The following COL4A6 variants were observed in gnomAD, a reference collection of about 807,000 sequenced individuals.
The protein encoded by COL4A6 is collagen type IV alpha 6 chain.
Under a neutral mutation model 126.7 loss-of-function variants are expected in COL4A6, and 59 were observed. The observed-to-expected ratio is 0.47, with a 90% confidence interval of 0.38 to 0.58. The LOEUF is 0.58. COL4A6 is among the 20% of genes least tolerant of loss of function. The probability of loss-of-function intolerance (pLI) is 0.00; values close to 1 mark genes in which losing one functional copy is unlikely to be tolerated. For missense variants in COL4A6, 1,285 were observed against 1,337.3 expected (o/e 0.96, Z 0.61); for synonymous variants, 547 against 496.6 (o/e 1.10, Z -1.35).
At position 108,298,681 on chromosome X, in the gene COL4A6, C is replaced by G. The variant is rs1302610792; in HGVS notation, c.144+12067G>C. 8.2e-5 allele frequency among the ~76,000 whole-genome samples: 9 copies of G among 110,043 alleles called. No individual in the cohort carries two copies. In the East Asian group the frequency reaches 2.6e-3, roughly 32 times the overall value. ...AACTCTCAAGGAGGCCCTGCGGGGGCTGGTTAAACTGTCTGGGGTCTGGGG... is the reference window on the plus strand; with the variant it reads ...AACTCTCAAGGAGGCCCTGCGGGGGGTGGTTAAACTGTCTGGGGTCTGGGG... On this transcript the variant is annotated intron_variant, in intron 3 of 44. Coordinates refer to ENST00000334504, the MANE Select transcript of COL4A6 (RefSeq NM_033641.4).
intron 24 of COL4A6, 34 bp downstream of exon 24, chrX:108,180,863 G>A: frequency 8.6e-7 from 1 of 1,167,311 alleles, no homozygotes. Flanking sequence ...CCTTACAAGA[G>A]TGTTTAGTGG....
At chrX:108,386,087 T>C (rs891115406) in intron 2 of COL4A6, among the ~76,000 whole-genome samples, 1 of 111,999 alleles carries the variant, frequency 8.9e-6, no homozygotes, top group Non-Finnish European at 1.9e-5. Context: ...CCATGGGGTA[T>C]ATGTGCCACA....
At chrX:108,433,242 G>A (rs1024476737) in intron 2 of COL4A6, among the ~76,000 whole-genome samples, 3 of 111,910 alleles carry the variant, frequency 2.7e-5, no homozygotes, top group African/African-American at 9.7e-5. Context: ...AAGAAAGAGA[G>A]TTGATAATTG....
intron 3 of COL4A6, among the ~76,000 whole-genome samples, chrX:108,240,186 T>C (rs2036535181): frequency 9.0e-6 from 1 of 111,573 alleles, no homozygotes; most frequent in Non-Finnish European, 1.9e-5. Context: ...GAGGCTGCAG[T>C]GAGCCAAGAT....
At chrX:108,202,721 T>C (rs1304496092) in intron 13 of COL4A6, among the ~76,000 whole-genome samples, 1 of 111,721 alleles carries the variant, frequency 9.0e-6, no homozygotes, top group African/African-American at 3.3e-5. Context: ...GCTAATAACC[T>C]CTAAGGTATA....
chrX:108,361,726 T>C (rs2040089207), intron 2 of COL4A6, among the ~76,000 whole-genome samples: 1 of 111,901 alleles, frequency 8.9e-6, no homozygotes, highest in African/African-American at 3.3e-5. Flanking sequence ...ATCTTAAGTC[T>C]CATGTATTAA....
At chrX:108,199,088 A>G in intron 13 of COL4A6, among the ~76,000 whole-genome samples, 1 of 111,525 alleles carries the variant, frequency 9.0e-6, no homozygotes, top group East Asian at 2.8e-4. Context: ...TGGTCACTGC[A>G]GAGGGGCCAA....
intron 17 of COL4A6, 95 bp downstream of exon 17, chrX:108,193,533 C>G (rs969624942): frequency 2.7e-6 from 2 of 742,052 alleles, no homozygotes; most frequent in African/African-American, 2.1e-5. Flanking sequence ...TAGCAACAAT[C>G]GAGTAACTAA....
At chrX:108,427,603 T>A (rs1360253484) in intron 2 of COL4A6, among the ~76,000 whole-genome samples, 1 of 111,470 alleles carries the variant, frequency 9.0e-6, no homozygotes, top group Non-Finnish European at 1.9e-5. Flanking sequence ...GAGATGGAAT[T>A]GGATGGGTAG....
chrX:108,388,637 T>A (rs922561183), intron 2 of COL4A6, among the ~76,000 whole-genome samples: 25 of 111,669 alleles, frequency 2.2e-4, no homozygotes, highest in Admixed American at 1.5e-3. Flanking sequence ...TATCAGTCTA[T>A]TTATTTTGTT....
chrX:108,157,279 T>C lies in COL4A6; in HGVS notation c.4813-19A>G, dbSNP rs2033772837. The C allele has an allele frequency of 8.3e-7, 1 of 1,202,586 alleles. No individual in the cohort carries two copies. The highest frequency in any genetic ancestry group is 1.1e-6 in the Non-Finnish European group (1 of 890,698). On this transcript the variant is annotated intron_variant, in intron 44 of 44. Coordinates refer to ENST00000334504, the MANE Select transcript of COL4A6 (RefSeq NM_033641.4). ...CAGTGTGCTGAAACAGACAGGAGAT[T>C]AGTGCATGAGCTGTGCCTGCCAAGG...
intron 2 of COL4A6, among the ~76,000 whole-genome samples, chrX:108,351,282 G>A (rs756679778): frequency 6.3e-5 from 7 of 111,454 alleles, no homozygotes; most frequent in Non-Finnish European, 1.3e-4. Flanking sequence ...CTTGGGGTTG[G>A]GGGGTGGAAT....
chrX:108,184,019 A>G (rs769286036), intron 23 of COL4A6, among the ~76,000 whole-genome samples: 6 of 111,502 alleles, frequency 5.4e-5, no homozygotes, highest in Non-Finnish European at 1.1e-4. Flanking sequence ...TGCTTGCCCA[A>G]AGTTTTTAAT....
Position 108,261,851 on chromosome X carries a change from G to A in COL4A6, c.145-40477C>T, listed in dbSNP as rs192899135. Among the ~76,000 whole-genome samples, 230 of 111,670 alleles carry A rather than the reference G, an allele frequency of 2.1e-3. 2 individuals are homozygous for A. Among genetic ancestry groups the A allele is most frequent in the Non-Finnish European group, 3.5e-3 (185 of 52,960 alleles). On this transcript the variant is annotated intron_variant, in intron 3 of 44. Coordinates refer to ENST00000334504, the MANE Select transcript of COL4A6 (RefSeq NM_033641.4). ...GCCCCAAGGAAGCAGGTTTGTTCTT[G>A]GCATTTACAATTAAAATGGATTAAT...
intron 13 of COL4A6, among the ~76,000 whole-genome samples, chrX:108,201,123 A>G (rs901450641): frequency 5.4e-5 from 6 of 111,634 alleles, no homozygotes; most frequent in African/African-American, 2.0e-4. Flanking sequence ...AAGAATCATC[A>G]TAGAAGGAAC....
intron 3 of COL4A6, among the ~76,000 whole-genome samples, chrX:108,297,140 G>A (rs1237131996): frequency 8.9e-6 from 1 of 111,737 alleles, no homozygotes; most frequent in African/African-American, 3.3e-5. Context: ...GGGGAACAGG[G>A]AAATAGGATG....
chrX:108,383,568 C>T, intron 2 of COL4A6: 3 of 470,208 alleles, frequency 6.4e-6, no homozygotes, highest in Non-Finnish European at 7.6e-6. Context: ...AACTCTGCAA[C>T]GAATGCGAGG....
chrX:108,332,655 A>G (rs1240374563), intron 2 of COL4A6, among the ~76,000 whole-genome samples: 1 of 111,515 alleles, frequency 9.0e-6, no homozygotes, highest in Non-Finnish European at 1.9e-5. Flanking sequence ...TTCTTTTGAA[A>G]AAATCATTTG....
At chrX:108,164,811 G>A (rs751344776) in intron 39 of COL4A6, 66 bp downstream of exon 39, 1 of 1,184,135 alleles carries the variant, frequency 8.4e-7, no homozygotes, top group Non-Finnish European at 1.1e-6. Flanking sequence ...TCTCTTCACA[G>A]GACTGCAGGA....
Sources: allele counts gnomAD v4.1 joint callset (sites outside exome capture counted in the v4.1 genomes callset), GRCh38; gene constraint gnomAD v4.1.1; transcripts MANE v1.5; gene names NCBI Gene and HGNC (gene_info 2026-07-23, HGNC 2026-07-21).